SLC17A6: variants seen among roughly 807,000 people sequenced by gnomAD.
SLC17A6 encodes the protein solute carrier family 17 member 6, also known as vesicular glutamate transporter 2.
A neutral mutation model predicts 67.1 loss-of-function variants in SLC17A6; 35 were observed. The observed-to-expected ratio is 0.52, with a 90% CI of 0.40 to 0.69. SLC17A6 has a LOEUF of 0.69. Among genes scored for constraint, SLC17A6 ranks in the 30% least tolerant of loss-of-function variants. The pLI, the probability that SLC17A6 is intolerant of heterozygous loss-of-function variation, is 0.00. For missense variants in SLC17A6, 588 were observed against 723.9 expected, an observed-to-expected ratio of 0.81 and a Z score of 2.15; for synonymous variants, 285 against 252.3, an observed-to-expected ratio of 1.13 and a Z score of -1.23.
rs189170955 is a variant in SLC17A6, at chr11:22,369,303, A to C, written c.892-736A>C. Among the ~76,000 whole-genome samples, 271 of 152,106 alleles carry C rather than the reference A, an allele frequency of 1.8e-3. 2 individuals carry two copies. Among genetic ancestry groups the C allele is most frequent in the African/African-American group, 6.1e-3 (255 of 41,558 alleles). On this transcript the variant is annotated intron_variant, in intron 7 of 11. Coordinates refer to ENST00000263160, the MANE Select transcript of SLC17A6 (RefSeq NM_020346.3). The stretch of plus-strand genomic sequence containing the variant: ...AGTACAATTAGGTTTAATTTTTTAA[A>C]GGGGTCATATGCAAAGCTGATCATA...
At chr11:22,369,737 C>A (rs1856154550) in intron 7 of SLC17A6, among the ~76,000 whole-genome samples, 1 of 151,420 alleles carries the variant, frequency 6.6e-6, no homozygotes, top group African/African-American at 2.4e-5. Flanking sequence ...GAAAAAAAAA[C>A]CTTAAGAAAC....
intron 3 of SLC17A6, among the ~76,000 whole-genome samples, chr11:22,345,233 A>G (rs1173692637): frequency 6.6e-6 from 1 of 151,714 alleles, no homozygotes; most frequent in Non-Finnish European, 1.5e-5. Context: ...AAGCAAACTC[A>G]TTATTATCTG....
chr11:22,354,105 CAG>C (rs1416037332), intron 3 of SLC17A6, among the ~76,000 whole-genome samples: 7 of 150,858 alleles, frequency 4.6e-5, no homozygotes, highest in Admixed American at 6.6e-5. Context: ...TTTTTTGAGA[CAG>C]AGTTTTGCTC....
rs1173949121 is a variant in SLC17A6, at chr11:22,359,582, C to T, written c.573+55C>T. The stretch of plus-strand genomic sequence containing the variant: ...AGATTGGCATTTGGTTGAGAACCAC[C>T]AGTTTATCTTTGTCTTTATCTGTAA... On this transcript the variant is annotated intron_variant, in intron 4 of 11. Coordinates refer to ENST00000263160, the MANE Select transcript of SLC17A6 (RefSeq NM_020346.3). 7.5e-6 allele frequency: 8 copies of T among 1,073,316 alleles called. No homozygotes were observed. In the East Asian group the frequency reaches 1.6e-4, roughly 21 times the overall value. 66.5% of individuals were successfully genotyped at this position (1,073,316 alleles called of 1,614,324 possible). A position where few individuals can be genotyped will look rare whatever the true frequency, so the allele number is the denominator to read the frequency against.
At chr11:22,370,314 A>G in intron 8 of SLC17A6, 126 bp downstream of exon 8, 1 of 756,052 alleles carries the variant, frequency 1.3e-6, no homozygotes, top group Middle Eastern at 3.9e-4. Context: ...TAAACAAATA[A>G]CTGCTAGGAA....
At chr11:22,339,125 ATATGT>A (rs1174484008) in intron 1 of SLC17A6, among the ~76,000 whole-genome samples, 1 of 53,630 alleles carries the variant, frequency 1.9e-5, no homozygotes, top group Non-Finnish European at 3.3e-5. Context: ...TGTTATATAT[ATATGT>A]TATATATATA....
chr11:22,349,252 T>G (rs1855910725), intron 3 of SLC17A6, among the ~76,000 whole-genome samples: 1 of 152,184 alleles, frequency 6.6e-6, no homozygotes, highest in African/African-American at 2.4e-5. Flanking sequence ...ACCATCCTGT[T>G]CCAGTGGAAA....
rs1264420163 is a variant in SLC17A6, at chr11:22,375,991, T to C, written c.1184T>C (p.Met395Thr). The change falls in exon 10 of 12, where the codon ATG becomes ACG. Residue 395 changes from methionine (M) to threonine (T), a missense_variant. This residue lies in a region of SLC17A6 where 414 missense variants were observed against 563.4 expected (regional missense o/e 0.73). Coordinates refer to ENST00000263160, the MANE Select transcript of SLC17A6 (RefSeq NM_020346.3). ...RKIMNCGGFGMEATLLLVVGY... is the reference protein window; with the variant it reads ...RKIMNCGGFGTEATLLLVVGY... ...GTGTTTGCTTCTGAAGGTTTTGGCA[T>C]GGAAGCCACACTGCTCCTGGTCGTT... is the stretch of plus-strand genomic sequence containing the variant. 1 of 1,602,286 alleles carries C rather than the reference T, an allele frequency of 6.2e-7. No individual in the cohort carries two copies. The highest frequency in any genetic ancestry group is 2.2e-5 in the East Asian group (1 of 44,730).
At chr11:22,370,561 A>G (rs755762857) in intron 8 of SLC17A6, among the ~76,000 whole-genome samples, 1 of 152,134 alleles carries the variant, frequency 6.6e-6, no homozygotes, top group Non-Finnish European at 1.5e-5. Context: ...ATAGAATTCT[A>G]CTTACAAATT....
chr11:22,341,209 A>C (rs987281992), intron 1 of SLC17A6, among the ~76,000 whole-genome samples: 4 of 152,192 alleles, frequency 2.6e-5, no homozygotes, highest in African/African-American at 9.6e-5. Flanking sequence ...CAGATCCTGC[A>C]AGAAAGTTAG....
Position 22,341,534 on chromosome 11 carries a change from G to A in SLC17A6, c.93G>A (p.Leu31=). 6.2e-7 allele frequency: 1 copy of A among 1,613,500 alleles called. No individual in the cohort carries two copies. Among genetic ancestry groups the A allele is most frequent in the South Asian group, 1.1e-5 (1 of 91,070 alleles). The change falls in exon 2 of 12, where the codon CTG becomes CTA. Residue 31 remains leucine, a synonymous_variant. Transcript: ENST00000263160. ...CCCCTGCTCTGCCGCGCAGGGTGCT[G>A]GAGAAGAAGCAAGACACCGGGGAGA... ...GKSLGQIYRV[L]EKKQDTGETI...
At chr11:22,368,290 G>T (rs1856136085) in intron 7 of SLC17A6, among the ~76,000 whole-genome samples, 1 of 151,746 alleles carries the variant, frequency 6.6e-6, no homozygotes. Context: ...TAAGCTGTTT[G>T]TTTTGAATCT....
At chr11:22,371,012 T>C (rs1489563675) in intron 8 of SLC17A6, among the ~76,000 whole-genome samples, 2 of 152,088 alleles carry the variant, frequency 1.3e-5, no homozygotes, top group Non-Finnish European at 2.9e-5. Flanking sequence ...TCTATTGAAA[T>C]GATGGGGAAA....
rs377657098 is a variant in SLC17A6 at position 22,377,514 on chromosome 11, C to A, written c.1523C>A (p.Pro508Gln). 1 of 1,613,980 alleles carries A rather than the reference C, an allele frequency of 6.2e-7. No homozygotes were observed. Among genetic ancestry groups the A allele is most frequent in the Non-Finnish European group, 8.5e-7 (1 of 1,179,980 alleles). The change falls in exon 12 of 12, where the codon CCG (proline) becomes CAG (glutamine). Residue 508 changes from proline to glutamine, a missense_variant. By Grantham distance (76) the Pro-to-Gln change is moderately conservative (BLOSUM62 -1). This residue lies in a region of SLC17A6 where 414 missense variants were observed against 563.4 expected (regional missense o/e 0.73). Transcript: ENST00000263160. ...GGAGAGAAACAACCCTGGGCAGACC[C>A]GGAGGAAACAAGTGAAGAAAAATGT... ...ASGEKQPWADPEETSEEKCGF... is the reference protein window; with the variant it reads ...ASGEKQPWADQEETSEEKCGF...
rs115617052 is a variant in SLC17A6 at position 22,374,456 on chromosome 11, T to C, written c.1042-299T>C. On this transcript the variant is annotated intron_variant, in intron 8 of 11. Coordinates refer to ENST00000263160, the MANE Select transcript of SLC17A6 (RefSeq NM_020346.3). ...TTTCCTCTCTTTCACTAAGGGTGTA[T>C]TCGTGCAAACACATTTAACAATATC... Among the ~76,000 whole-genome samples the C allele has an allele frequency of 5.1e-3, 779 of 152,244 alleles. 9 individuals are homozygous for C. Among genetic ancestry groups the C allele is most frequent in the African/African-American group, 0.018 (735 of 41,546 alleles).
chr11:22,341,744 C>G lies in SLC17A6; in HGVS notation c.303C>G (p.Asn101Lys), dbSNP rs1326219154. 6.2e-7 allele frequency: 1 copy of G among 1,614,216 alleles called. No homozygotes were observed. Among genetic ancestry groups the G allele is most frequent in the Non-Finnish European group, 8.5e-7 (1 of 1,180,052 alleles). ...LGVAIVDMVNNSTIHRGGKVI... is the reference protein window; with the variant it reads ...LGVAIVDMVNKSTIHRGGKVI... Reference sequence around the variant, plus strand: ...TGGCCATTGTGGACATGGTCAACAACAGCACCATCCACCGCGGGGGCAAGG... The same window carrying G: ...TGGCCATTGTGGACATGGTCAACAAGAGCACCATCCACCGCGGGGGCAAGG... Residue 101 changes from asparagine to lysine, a missense_variant, in exon 2 of 12, where the codon AAC becomes AAG. By Grantham distance (94) the Asn-to-Lys change is moderately conservative. This residue lies in a region of SLC17A6 where 48 missense variants were observed against 36.5 expected (regional missense o/e 1.32). Transcript: ENST00000263160.
At chr11:22,357,658 A>C (rs899625704) in intron 3 of SLC17A6, among the ~76,000 whole-genome samples, 2 of 152,162 alleles carry the variant, frequency 1.3e-5, no homozygotes, top group Non-Finnish European at 2.9e-5. Context: ...GTATTTACAA[A>C]CCCTTCAAAA....
intron 7 of SLC17A6, among the ~76,000 whole-genome samples, chr11:22,368,920 T>C (rs930636): frequency 0.16 from 24,919 of 151,934 alleles, 2,349 homozygotes; most frequent in East Asian, 0.24. Context: ...TTGCATATAT[T>C]TATGATCACC....
Position 22,348,650 on chromosome 11 carries a change from A to T in SLC17A6, c.458+5285A>T, listed in dbSNP as rs1855904616. ...GACTTTTGTCTGCAGAAATGAAGGGATTTATCCTTGGGGTTTTGACTGATG... is the reference window on the plus strand; with the variant it reads ...GACTTTTGTCTGCAGAAATGAAGGGTTTTATCCTTGGGGTTTTGACTGATG... On this transcript the variant is annotated intron_variant, in intron 3 of 11. Transcript: ENST00000263160. Among the ~76,000 whole-genome samples, 4 of 152,164 alleles carry T rather than the reference A, an allele frequency of 2.6e-5. No homozygotes were observed. The South Asian group carries it at 6.2e-4, about 24-fold the overall frequency.
Sources: gnomAD v4.1 joint callset for allele counts (sites outside exome capture counted in the v4.1 genomes callset) on GRCh38, gnomAD v4.1.1 for gene constraint, gnomAD v4.1.1 regional missense constraint, MANE v1.5 for transcripts, NCBI Gene and HGNC (gene_info 2026-07-23, HGNC 2026-07-21) for gene names.